HIF1A: variants seen among roughly 807,000 people sequenced by gnomAD.
HIF1A encodes the protein hypoxia inducible factor 1 subunit alpha.
In HIF1A, 24 loss-of-function variants were observed where a neutral mutation model predicts 92.7. The observed-to-expected ratio is 0.26, with a 90% CI of 0.19 to 0.36. HIF1A has a LOEUF of 0.36. HIF1A is among the 10% of genes least tolerant of loss of function. The pLI is 1.00. For synonymous variants in HIF1A, 319 were observed against 338.7 expected, an observed-to-expected ratio of 0.94 and a Z score of 0.64; for missense variants, 799 against 998.5, an observed-to-expected ratio of 0.80 and a Z score of 2.69.
intron 4 of HIF1A, 118 bp downstream of exon 4, chr14:61,721,941 T>A: frequency 1.5e-6 from 1 of 663,202 alleles, no homozygotes; most frequent in Admixed American, 2.8e-5. Flanking sequence ...ATTTCATGTT[T>A]AATAAAATGT....
chr14:61,711,671 C>G (rs1367240634), intron 1 of HIF1A, among the ~76,000 whole-genome samples: 4 of 152,148 alleles, frequency 2.6e-5, no homozygotes, highest in Admixed American at 2.6e-4. Context: ...GAAGATGACA[C>G]TGCTGGCTCT....
At chr14:61,698,610 T>A (rs1320575008) in intron 1 of HIF1A, among the ~76,000 whole-genome samples, 1 of 152,258 alleles carries the variant, frequency 6.6e-6, no homozygotes, top group Non-Finnish European at 1.5e-5. Context: ...TCCTTTAGTT[T>A]CTTTTCTGTG....
Position 61,716,465 on chromosome 14 carries a change from G to C in HIF1A, c.36-3917G>C, listed in dbSNP as rs376597719. ...TTATTAGAAGTAAATCTGATAATCT[G>C]CTCACATTTTAAATAGTTATGGTTT... On this transcript the variant is annotated intron_variant, in intron 1 of 14. Coordinates refer to ENST00000337138, the MANE Select transcript of HIF1A (RefSeq NM_001530.4). Among the ~76,000 whole-genome samples the C allele has an allele frequency of 1.1e-3, 161 of 150,700 alleles. 3 individuals are homozygous for C. The South Asian group carries it at 0.033, about 31-fold the overall frequency.
intron 1 of HIF1A, among the ~76,000 whole-genome samples, chr14:61,703,016 A>G (rs1402004541): frequency 6.6e-6 from 1 of 152,224 alleles, no homozygotes; most frequent in South Asian, 2.1e-4. Context: ...AACATAATAT[A>G]TGGCTCTTAA....
chr14:61,698,463 T>TA (rs1289632361), intron 1 of HIF1A, among the ~76,000 whole-genome samples: 1 of 152,244 alleles, frequency 6.6e-6, no homozygotes, highest in African/African-American at 2.4e-5. Flanking sequence ...TTAAATGAGA[T>TA]AATGCTTGTG....
At chr14:61,699,366 G>A (rs116591234) in intron 1 of HIF1A, among the ~76,000 whole-genome samples, 1,544 of 152,176 alleles carry the variant, frequency 0.01, 31 homozygotes, top group African/African-American at 0.034. Context: ...ATGGTGTCAC[G>A]GCTCAGGGTT....
rs143801516 is a variant in HIF1A, at chr14:61,719,732, T to G, written c.36-650T>G. ...ATATTGTGTGTGCCACAGCTTTTTT[T>G]CTTCCATATTCCTGCATTTATTTGG... is the stretch of plus-strand genomic sequence containing the variant. On this transcript the variant is annotated intron_variant, in intron 1 of 14. Coordinates refer to ENST00000337138, the MANE Select transcript of HIF1A (RefSeq NM_001530.4). 2.7e-3 allele frequency among the ~76,000 whole-genome samples: 412 copies of G among 152,360 alleles called. 4 individuals are homozygous for G. Among genetic ancestry groups the G allele is most frequent in the African/African-American group, 9.2e-3 (381 of 41,600 alleles).
At chr14:61,700,370 C>T (rs2044164423) in intron 1 of HIF1A, among the ~76,000 whole-genome samples, 3 of 152,168 alleles carry the variant, frequency 2.0e-5, no homozygotes, top group South Asian at 4.1e-4. Context: ...TTTAACTACT[C>T]TAGATGCCTC....
At position 61,703,500 on chromosome 14, in the gene HIF1A, T is replaced by G. The variant is rs112713810; in HGVS notation, c.35+7661T>G. The stretch of plus-strand genomic sequence containing the variant: ...TCCCTGACTTTTGTCTTGATATTAC[T>G]TGGCTTGTATACCTTTGCTCTATTT... On this transcript the variant is annotated intron_variant, in intron 1 of 14. Transcript: ENST00000337138. Among the ~76,000 whole-genome samples, 901 of 152,320 alleles carry G rather than the reference T, an allele frequency of 5.9e-3. 13 individuals are homozygous for G. The highest frequency in any genetic ancestry group is 0.02 in the African/African-American group (840 of 41,562).
intron 1 of HIF1A, among the ~76,000 whole-genome samples, chr14:61,718,909 C>G (rs2044393882): frequency 6.6e-6 from 1 of 152,052 alleles, no homozygotes; most frequent in African/African-American, 2.4e-5. Context: ...TATCAAAGTT[C>G]AATAACATGC....
chr14:61,723,142 T>G (rs1307083413), intron 4 of HIF1A, among the ~76,000 whole-genome samples: 1 of 152,248 alleles, frequency 6.6e-6, no homozygotes, highest in African/African-American at 2.4e-5. Flanking sequence ...TTCTATATTA[T>G]AAAACCTCAA....
chr14:61,705,148 G>C (rs2044224487), intron 1 of HIF1A, among the ~76,000 whole-genome samples: 1 of 151,990 alleles, frequency 6.6e-6, no homozygotes, highest in Non-Finnish European at 1.5e-5. Context: ...ATAATCCTCT[G>C]AATTTTTGAG....
chr14:61,733,393 T>C (rs746138260), intron 7 of HIF1A, among the ~76,000 whole-genome samples: 2 of 152,236 alleles, frequency 1.3e-5, no homozygotes, highest in Admixed American at 6.5e-5. Flanking sequence ...TTTTTTACTA[T>C]AGTCACCCAA....
At chr14:61,709,924 G>C (rs776875163) in intron 1 of HIF1A, among the ~76,000 whole-genome samples, 2 of 152,124 alleles carry the variant, frequency 1.3e-5, no homozygotes, top group African/African-American at 4.8e-5. Flanking sequence ...AGTTCATGGT[G>C]AATTTTTGTT....
At chr14:61,722,316 G>C (rs1472224304) in intron 4 of HIF1A, among the ~76,000 whole-genome samples, 2 of 152,152 alleles carry the variant, frequency 1.3e-5, no homozygotes, top group African/African-American at 4.8e-5. Context: ...TTGAACTACT[G>C]GGCTTAAGCC....
chr14:61,737,580 G>A (rs1594883877), intron 9 of HIF1A, among the ~76,000 whole-genome samples: 2 of 152,096 alleles, frequency 1.3e-5, no homozygotes, highest in African/African-American at 4.8e-5. Flanking sequence ...ATTAAGACGC[G>A]GTATCAATAG....
intron 1 of HIF1A, among the ~76,000 whole-genome samples, chr14:61,702,406 C>G (rs1489094849): frequency 1.3e-5 from 2 of 148,586 alleles, no homozygotes; most frequent in Admixed American, 6.7e-5. Flanking sequence ...CGCCACTGCA[C>G]TCCAGCCTGA....
chr14:61,695,553 C>A lies in HIF1A; in HGVS notation c.-252C>A. The stretch of plus-strand genomic sequence containing the variant: ...CTCGTCTGAGGGGACAGGAGGATCA[C>A]CCTCTTCGTCGCTTCGGCCAGTGTG... On this transcript the variant is annotated 5_prime_UTR_variant, in exon 1 of 15. Coordinates refer to ENST00000337138, the MANE Select transcript of HIF1A (RefSeq NM_001530.4). 1.7e-6 allele frequency: 1 copy of A among 577,338 alleles called. No individual in the cohort carries two copies. 35.8% of individuals were successfully genotyped at this position (577,338 alleles called of 1,614,324 possible).
chr14:61,699,572 C>T (rs1244057009), intron 1 of HIF1A, among the ~76,000 whole-genome samples: 20 of 151,476 alleles, frequency 1.3e-4, no homozygotes, highest in Admixed American at 1.3e-3. Context: ...GATGCCTTCT[C>T]TTAGTATATA....
Sources: allele counts gnomAD v4.1 joint callset (sites outside exome capture counted in the v4.1 genomes callset), GRCh38; gene constraint gnomAD v4.1.1; transcripts MANE v1.5; gene names NCBI Gene and HGNC (gene_info 2026-07-23, HGNC 2026-07-21).